Variants in FBLIM1 observed in about 807,000 individuals in gnomAD.
FBLIM1 encodes filamin binding LIM protein 1.
Under a neutral mutation model 37.4 loss-of-function variants are expected in FBLIM1, and 29 were observed. The observed-to-expected ratio is 0.77, with a 90% CI of 0.58 to 1.06. The LOEUF (loss-of-function observed/expected upper bound fraction) is 1.06, where lower values mean the gene tolerates loss of function less well. Ranked by LOEUF, FBLIM1 falls within the 50% of genes least tolerant of loss-of-function variation. FBLIM1 has a pLI of 0.00. For missense variants in FBLIM1, 449 were observed against 505.6 expected (o/e 0.89, Z 1.07); for synonymous variants, 193 against 199.0 (o/e 0.97, Z 0.25).
chr1:15,773,417 G>A (rs1569835043), intron 6 of FBLIM1, among the ~76,000 whole-genome samples: 1 of 151,512 alleles, frequency 6.6e-6, no homozygotes, highest in Non-Finnish European at 1.5e-5. Flanking sequence ...GGTGGCTCAC[G>A]CCTGTAATCC....
intron 1 of FBLIM1, among the ~76,000 whole-genome samples, chr1:15,759,376 G>A (rs1196341670): frequency 3.3e-5 from 5 of 152,204 alleles, no homozygotes; most frequent in African/African-American, 2.4e-5. Flanking sequence ...CGGGGGCTGA[G>A]AAGGTGTGGA....
intron 1 of FBLIM1, among the ~76,000 whole-genome samples, chr1:15,763,662 C>G (rs992116234): frequency 2.0e-5 from 3 of 151,816 alleles, no homozygotes; most frequent in African/African-American, 7.3e-5. Flanking sequence ...TAAAAAAAGA[C>G]AGAGTCTCGC....
At chr1:15,767,287 C>T in intron 3 of FBLIM1, 89 bp from the exon 4 acceptor site, 2 of 1,242,748 alleles carry the variant, frequency 1.6e-6, no homozygotes, top group South Asian at 3.2e-5. Context: ...GGGCCCTCAG[C>T]TTCCCTCTGT....
intron 6 of FBLIM1, among the ~76,000 whole-genome samples, chr1:15,772,897 G>T (rs144695877): frequency 8.6e-5 from 13 of 151,872 alleles, no homozygotes; most frequent in Non-Finnish European, 1.5e-4. Context: ...TGATTCTCCC[G>T]CCTCAGCCTC....
intron 2 of FBLIM1, 52 bp from the exon 3 acceptor site, chr1:15,764,892 CTCTCTCCTCTCGGGGGAGGG>C: frequency 6.7e-7 from 1 of 1,499,858 alleles, no homozygotes; most frequent in East Asian, 2.3e-5. Context: ...AGGAGGGAGG[CTCTCTCCTCTCGGGGGAGGG>C]TGGCTGTGTG....
intron 8 of FBLIM1, among the ~76,000 whole-genome samples, chr1:15,782,507 G>T (rs1333044034): frequency 6.6e-6 from 1 of 152,024 alleles, no homozygotes; most frequent in Non-Finnish European, 1.5e-5. Flanking sequence ...TTCAGCCACC[G>T]CACAGCTGCC....
upstream of FBLIM1, among the ~76,000 whole-genome samples, chr1:15,757,373 G>A (rs2068468020): frequency 6.6e-6 from 1 of 152,218 alleles, no homozygotes. The surrounding 1 kb of genome is among the most constrained non-coding windows in gnomAD (Gnocchi z 4.1). Flanking sequence ...CCGTGAACAG[G>A]AATCATCAGC....
chr1:15,758,646 T>TA (rs1377834364), upstream of FBLIM1: 3 of 147,528 alleles, frequency 2.0e-5, no homozygotes, highest in African/African-American at 5.0e-5. The surrounding 1 kb of genome is among the most constrained non-coding windows in gnomAD (Gnocchi z 6.2). Context: ...GGGGGGCAGG[T>TA]AGGGGCCGCT....
rs1331361968 is a variant in FBLIM1, at chr1:15,770,551, G to A, written c.684G>A (p.Gly228=). The A allele has an allele frequency of 6.2e-7, 1 of 1,613,946 alleles. No individual in the cohort carries two copies. Among genetic ancestry groups the A allele is most frequent in the South Asian group, 1.1e-5 (1 of 91,080 alleles). ...GGCAGAGCTTCTACCAGAAGGATGG[G>A]CGACCCCTCTGCGAACCCTGCTACC... ...LAGQSFYQKD[G]RPLCEPCYQD... is the part of the protein sequence containing the mutation. The change falls in exon 6 of 9, where the codon GGG becomes GGA. Residue 228 remains glycine, a synonymous_variant. Coordinates refer to ENST00000375766, the MANE Select transcript of FBLIM1 (RefSeq NM_017556.4).
intron 8 of FBLIM1, among the ~76,000 whole-genome samples, chr1:15,781,954 G>A (rs1295091444): frequency 3.3e-5 from 5 of 151,672 alleles, no homozygotes; most frequent in Admixed American, 1.3e-4. Flanking sequence ...TCCTGACCTC[G>A]TGATCCGCCC....
chr1:15,773,226 A>C lies in FBLIM1; in HGVS notation c.712-1392A>C, dbSNP rs527527744. Among the ~76,000 whole-genome samples the C allele has an allele frequency of 6.6e-5, 10 of 152,034 alleles. No homozygotes were observed. In the East Asian group the frequency reaches 1.9e-3, roughly 30 times the overall value. On this transcript the variant is annotated intron_variant, in intron 6 of 8. Coordinates refer to ENST00000375766, the MANE Select transcript of FBLIM1 (RefSeq NM_017556.4). ...AATGGAAAAACCCTGTCTCTACTAA[A>C]AATACAAAAACTAGCCAGGCATGGT...
chr1:15,784,816 C>T lies in FBLIM1; in HGVS notation c.*155C>T. Reference sequence around the variant, plus strand: ...CCAGCCTGTCCAGGATACAGTGGGGCTGAGCACCCCCAGGCCTTCCACTCC... The same window carrying T: ...CCAGCCTGTCCAGGATACAGTGGGGTTGAGCACCCCCAGGCCTTCCACTCC... On this transcript the variant is annotated 3_prime_UTR_variant, in exon 9 of 9. Transcript: ENST00000375766. The T allele has an allele frequency of 1.7e-6, 1 of 583,286 alleles. No homozygotes were observed. Among genetic ancestry groups the T allele is most frequent in the South Asian group, 2.2e-5 (1 of 44,598 alleles). The allele number at this position is 583,286 out of a possible 1,614,324, so 36.1% of individuals were successfully genotyped here. A position where few individuals can be genotyped will look rare whatever the true frequency, so the allele number is the denominator to read the frequency against.
chr1:15,768,634 G>C lies in FBLIM1; in HGVS notation c.541+4G>C. ...GTTGAGAAAGGGGCATCCACAGGTA[G>C]GTGCACAGGGCTGAGAGGATACTGG... On this transcript the variant is annotated splice_donor_region_variant and intron_variant, in intron 5 of 8. Coordinates refer to ENST00000375766, the MANE Select transcript of FBLIM1 (RefSeq NM_017556.4). 6.2e-7 allele frequency: 1 copy of C among 1,606,986 alleles called. No individual in the cohort carries two copies. The highest frequency in any genetic ancestry group is 1.7e-4 in the Middle Eastern group (1 of 6,022).
chr1:15,781,376 T>G (rs1344792022), intron 8 of FBLIM1, among the ~76,000 whole-genome samples: 1 of 151,528 alleles, frequency 6.6e-6, no homozygotes, highest in African/African-American at 2.4e-5. Context: ...TAGCTGGGTA[T>G]GGTGGCGCAC....
chr1:15,770,393 G>C lies in FBLIM1; in HGVS notation c.542-16G>C, dbSNP rs774558348. 6 of 1,608,732 alleles carry C rather than the reference G, an allele frequency of 3.7e-6. No homozygotes were observed. In the Admixed American group the frequency reaches 1.0e-4, roughly 27 times the overall value. On this transcript the variant is annotated splice_polypyrimidine_tract_variant and intron_variant, in intron 5 of 8. Coordinates refer to ENST00000375766, the MANE Select transcript of FBLIM1 (RefSeq NM_017556.4). ...ACAGGCTGGGCTGGTGATGGCCTGT[G>C]TCTCCCCTACCCCAGACATCTGTGC... is the stretch of plus-strand genomic sequence containing the variant.
rs2069735297 is a variant in FBLIM1, at chr1:15,784,795, C to A, written c.*134C>A. ...GAGACCAGCCTGCAAGCCGGCCCAGCCTGTCCAGGATACAGTGGGGCTGAG... is the reference window on the plus strand; with the variant it reads ...GAGACCAGCCTGCAAGCCGGCCCAGACTGTCCAGGATACAGTGGGGCTGAG... On this transcript the variant is annotated 3_prime_UTR_variant, in exon 9 of 9. Transcript: ENST00000375766. 1.4e-6 allele frequency: 1 copy of A among 723,960 alleles called. No homozygotes were observed. Among genetic ancestry groups the A allele is most frequent in the Non-Finnish European group, 2.3e-6 (1 of 431,204 alleles). The allele number at this position is 723,960 out of a possible 1,614,324, so 44.8% of individuals were successfully genotyped here.
Position 15,764,683 on chromosome 1 carries a change from T to C in FBLIM1, c.-23T>C, listed in dbSNP as rs2068830052. 4.9e-6 allele frequency: 2 copies of C among 408,378 alleles called. No homozygotes were observed. Among genetic ancestry groups the C allele is most frequent in the African/African-American group, 2.1e-5 (1 of 48,728 alleles). 25.3% of individuals were successfully genotyped at this position (408,378 alleles called of 1,614,324 possible). On this transcript the variant is annotated splice_region_variant and 5_prime_UTR_variant, in exon 2 of 9. Transcript: ENST00000375766. ...GGTGTGAGACAAGGAAGAGTGATCA[T>C]TGGTGAGGGCTGCCCTTTGCTCCCC...
chr1:15,774,619 A>G lies in FBLIM1; in HGVS notation c.713A>G (p.Asp238Gly). Reference sequence around the variant, plus strand: ...TTCTGGCAGTGGCCTCTGTCCTAGGACACACTGGAGAGGTGCGGCAAGTGT... The same window carrying G: ...TTCTGGCAGTGGCCTCTGTCCTAGGGCACACTGGAGAGGTGCGGCAAGTGT... ...GRPLCEPCYQ[D>G]TLERCGKCGE... is the part of the protein sequence containing the mutation. Residue 238 changes from aspartate to glycine, a missense_variant and splice_region_variant, in exon 7 of 9, where the codon GAC becomes GGC. By Grantham distance (94) the Asp-to-Gly change is moderately conservative (BLOSUM62 -1). Transcript: ENST00000375766. The G allele has an allele frequency of 6.2e-7, 1 of 1,612,376 alleles. No homozygotes were observed. Among genetic ancestry groups the G allele is most frequent in the Non-Finnish European group, 8.5e-7 (1 of 1,179,204 alleles).
upstream of FBLIM1, among the ~76,000 whole-genome samples, chr1:15,757,709 C>T (rs1489233784): frequency 6.8e-6 from 1 of 146,670 alleles, no homozygotes; most frequent in Non-Finnish European, 1.5e-5. The surrounding 1 kb of genome is among the most constrained non-coding windows in gnomAD (Gnocchi z 4.1). Context: ...GTCCAGCGCT[C>T]CTCAAGCCTC....
Sources: gnomAD v4.1 joint callset for allele counts (sites outside exome capture counted in the v4.1 genomes callset) on GRCh38, gnomAD v4.1.1 for gene constraint, Gnocchi (gnomAD v3.1) non-coding constraint, MANE v1.5 for transcripts, NCBI Gene and HGNC (gene_info 2026-07-23, HGNC 2026-07-21) for gene names.